The following HTR4 variants were observed in gnomAD, a reference collection of about 807,000 sequenced individuals.
HTR4 encodes 5-hydroxytryptamine receptor 4.
In HTR4, 16 loss-of-function variants were observed where a neutral mutation model predicts 36.8. The observed-to-expected ratio is 0.43, with a 90% CI of 0.29 to 0.66. HTR4 has a LOEUF of 0.66. HTR4 is among the 30% of genes least tolerant of loss of function. The pLI, the probability that HTR4 is intolerant of heterozygous loss-of-function variation, is 0.13. For missense variants in HTR4, 438 were observed against 490.9 expected (o/e 0.89, Z 1.02); for synonymous variants, 189 against 185.1 (o/e 1.02, Z -0.17).
intron 1 of HTR4, among the ~76,000 whole-genome samples, chr5:148,649,178 A>G (rs935588701): frequency 6.6e-6 from 1 of 152,170 alleles, no homozygotes; most frequent in African/African-American, 2.4e-5. Context: ...ATAAATATTC[A>G]ATAAACATTA....
chr5:148,548,629 C>T, intron 4 of HTR4, 39 bp downstream of exon 4: 1 of 1,499,482 alleles, frequency 6.7e-7, no homozygotes, highest in Non-Finnish European at 9.1e-7. Context: ...GTCATGTCTC[C>T]AGCATGGAGC....
intron 6 of HTR4, among the ~76,000 whole-genome samples, chr5:148,508,075 T>A (rs552092667): frequency 1.5e-4 from 23 of 152,310 alleles, no homozygotes; most frequent in East Asian, 3.9e-4. Flanking sequence ...AAAATGGAAT[T>A]CATGCTCTGA....
intron 5 of HTR4, among the ~76,000 whole-genome samples, chr5:148,463,764 C>A (rs1755349993): frequency 6.6e-6 from 1 of 150,954 alleles, no homozygotes. Flanking sequence ...AGACAAAGAC[C>A]CAGAACAGCC....
intron 6 of HTR4, chr5:148,490,868 A>G (rs1281402130): frequency 2.1e-6 from 1 of 481,786 alleles, no homozygotes; most frequent in East Asian, 6.9e-5. Context: ...TAAAAACAAT[A>G]ATTATGACCT....
intron 2 of HTR4, among the ~76,000 whole-genome samples, chr5:148,610,870 T>C (rs6870740): frequency 0.52 from 70,870 of 137,112 alleles, 19,719 homozygotes; most frequent in African/African-American, 0.72. Context: ...TCCAGAACTA[T>C]GTGAAGAATG....
chr5:148,477,160 G>A (rs1424134642), downstream of HTR4, among the ~76,000 whole-genome samples: 2 of 152,174 alleles, frequency 1.3e-5, no homozygotes, highest in East Asian at 1.9e-4. Context: ...TTGTAGAAAG[G>A]ATGATGTCAG....
intron 2 of HTR4, among the ~76,000 whole-genome samples, chr5:148,609,876 T>G (rs1053059547): frequency 1.3e-5 from 2 of 152,202 alleles, no homozygotes; most frequent in African/African-American, 4.8e-5. Context: ...CATGAGCCAC[T>G]GTGCCCAGCT....
intron 2 of HTR4, among the ~76,000 whole-genome samples, chr5:148,611,084 C>A (rs1752405712): frequency 6.8e-6 from 1 of 147,962 alleles, no homozygotes; most frequent in South Asian, 2.2e-4. Context: ...GAGAATGGAA[C>A]CAAGTTGGAA....
intron 2 of HTR4, among the ~76,000 whole-genome samples, chr5:148,557,392 G>C (rs961702027): frequency 6.6e-6 from 1 of 152,146 alleles, no homozygotes; most frequent in Admixed American, 6.5e-5. Flanking sequence ...CTGAATAAAT[G>C]TTGGTACAAT....
intron 2 of HTR4, among the ~76,000 whole-genome samples, chr5:148,580,735 T>C (rs926433982): frequency 1.3e-5 from 2 of 152,124 alleles, no homozygotes; most frequent in African/African-American, 4.8e-5. Flanking sequence ...ATATTCAACT[T>C]TATGTGTTTA....
intron 2 of HTR4, among the ~76,000 whole-genome samples, chr5:148,620,499 C>A (rs981171715): frequency 6.6e-6 from 1 of 152,132 alleles, no homozygotes. Flanking sequence ...TGTGGCTGGA[C>A]AGAATTCAGC....
chr5:148,533,607 G>C, intron 4 of HTR4, among the ~76,000 whole-genome samples: 1 of 152,158 alleles, frequency 6.6e-6, no homozygotes, highest in East Asian at 1.9e-4. Flanking sequence ...ATGATAATAA[G>C]TTGGAATTCT....
intron 5 of HTR4, among the ~76,000 whole-genome samples, chr5:148,517,412 A>C (rs1757808325): frequency 6.6e-6 from 1 of 152,082 alleles, no homozygotes; most frequent in African/African-American, 2.4e-5. Flanking sequence ...GGAACTGCAG[A>C]ATTTGATATC....
Position 148,509,840 on chromosome 5 carries a change from C to T in HTR4, c.692G>A (p.Arg231Gln), listed in dbSNP as rs201125001. ...CCTGCTCTCGGAGGAGGCTCCTGCC[C>T]GTTGTAACATCTGGATCTGATGGGC... ...EHAHQIQMLQRAGASSESRPQ... is the reference protein window; with the variant it reads ...EHAHQIQMLQQAGASSESRPQ... The change falls in exon 6 of 7, where the codon CGG (arginine) becomes CAG (glutamine). Residue 231 changes from arginine to glutamine, a missense_variant. Coordinates refer to ENST00000377888, the MANE Select transcript of HTR4 (RefSeq NM_000870.7). The T allele has an allele frequency of 2.8e-5, 45 of 1,613,778 alleles. No homozygotes were observed. Among genetic ancestry groups the T allele is most frequent in the East Asian group, 4.5e-5 (2 of 44,834 alleles).
At chr5:148,495,108 G>A (rs1020062801) in intron 6 of HTR4, among the ~76,000 whole-genome samples, 1 of 152,208 alleles carries the variant, frequency 6.6e-6, no homozygotes, top group African/African-American at 2.4e-5. Flanking sequence ...AAGAATCTAA[G>A]CCTGGTGAGA....
intron 2 of HTR4, among the ~76,000 whole-genome samples, chr5:148,630,816 C>T (rs1367412742): frequency 6.6e-6 from 1 of 151,874 alleles, no homozygotes; most frequent in Non-Finnish European, 1.5e-5. Context: ...AAGAAAAATC[C>T]CATTTTCAGA....
intron 5 of HTR4, among the ~76,000 whole-genome samples, chr5:148,457,894 T>G (rs892378706): frequency 3.5e-4 from 46 of 130,226 alleles, no homozygotes; most frequent in Non-Finnish European, 6.0e-4. Context: ...TAAAATATAT[T>G]ATATTTTAAT....
At chr5:148,494,126 C>T (rs1756576396) in intron 6 of HTR4, among the ~76,000 whole-genome samples, 2 of 152,198 alleles carry the variant, frequency 1.3e-5, no homozygotes, top group Non-Finnish European at 2.9e-5. Context: ...TGTGAACAAA[C>T]AACTGTTTCA....
intron 2 of HTR4, among the ~76,000 whole-genome samples, chr5:148,602,276 T>C (rs189629011): frequency 7.2e-4 from 110 of 152,284 alleles, no homozygotes; most frequent in Middle Eastern, 3.4e-3. Flanking sequence ...ACCATAAACA[T>C]ATACAGCTTT....
Sources: allele counts gnomAD v4.1 joint callset (sites outside exome capture counted in the v4.1 genomes callset), GRCh38; gene constraint gnomAD v4.1.1; transcripts MANE v1.5; gene names NCBI Gene and HGNC (gene_info 2026-07-23, HGNC 2026-07-21).